TNKS: variants seen among roughly 807,000 people sequenced by gnomAD.
TNKS encodes the protein tankyrase.
A neutral mutation model predicts 135.8 loss-of-function variants in TNKS; 72 were observed. The observed-to-expected ratio is 0.53, with a 90% confidence interval of 0.44 to 0.64. The LOEUF is 0.64. Among genes scored for constraint, TNKS ranks in the 30% least tolerant of loss-of-function variants. The pLI, the probability that TNKS is intolerant of heterozygous loss-of-function variation, is 0.00. For synonymous variants in TNKS, 849 were observed against 649.3 expected, an observed-to-expected ratio of 1.31 and a Z score of -4.68; for missense variants, 1,769 against 1,674.0, an observed-to-expected ratio of 1.06 and a Z score of -0.99.
At position 9,580,308 on chromosome 8, in the gene TNKS, C is replaced by G. The variant is rs1264278784; in HGVS notation, c.823C>G (p.Pro275Ala). ...VSLLLCQGAD[P>A]NARDNWNYTP... ...TCTGTTATTGTGCCAAGGAGCTGAT[C>G]CAAATGCCAGGGATAACTGGAACTA... The change falls in exon 2 of 27, where the codon CCA becomes GCA. Residue 275 changes from proline (P) to alanine (A), a missense_variant. Coordinates refer to ENST00000310430, the MANE Select transcript of TNKS (RefSeq NM_003747.3). The G allele has an allele frequency of 8.7e-6, 14 of 1,613,958 alleles. No homozygotes were observed. Among genetic ancestry groups the G allele is most frequent in the Admixed American group, 1.7e-5 (1 of 59,988 alleles).
rs968309640 is a variant in TNKS at position 9,711,008 on chromosome 8, A to G, written c.1749+788A>G. The stretch of plus-strand genomic sequence containing the variant: ...GGCATTTTCTGAATGGTGTAGTCTG[A>G]AACTTTGTCAAGCACTTAAGAGAGG... On this transcript the variant is annotated intron_variant, in intron 11 of 26. Coordinates refer to ENST00000310430, the MANE Select transcript of TNKS (RefSeq NM_003747.3). 2.6e-5 allele frequency among the ~76,000 whole-genome samples: 4 copies of G among 152,318 alleles called. No individual in the cohort carries two copies. In the East Asian group the frequency reaches 7.7e-4, roughly 29 times the overall value.
intron 5 of TNKS, among the ~76,000 whole-genome samples, chr8:9,697,240 C>G: frequency 6.6e-6 from 1 of 152,110 alleles, no homozygotes; most frequent in Non-Finnish European, 1.5e-5. Flanking sequence ...GGATAGTTGG[C>G]TAGCCATATG....
chr8:9,678,758 A>G (rs1254857992), intron 3 of TNKS, among the ~76,000 whole-genome samples: 1 of 152,222 alleles, frequency 6.6e-6, no homozygotes, highest in African/African-American at 2.4e-5. Context: ...TGCGAAGTCC[A>G]TATTTACACA....
At chr8:9,645,042 T>G (rs1026892694) in intron 3 of TNKS, among the ~76,000 whole-genome samples, 1 of 152,188 alleles carries the variant, frequency 6.6e-6, no homozygotes, top group African/African-American at 2.4e-5. Context: ...TTCTTCACCA[T>G]TTTATTACAC....
At chr8:9,574,951 T>G in intron 1 of TNKS, 4 of 748,010 alleles carry the variant, frequency 5.3e-6, no homozygotes, top group Non-Finnish European at 4.9e-6. Context: ...CTTGTGACTG[T>G]GAGGTAAGAA....
rs1354225687 is a variant in TNKS, at chr8:9,710,008, A to T, written c.1632A>T (p.Leu544Phe). 5 of 1,614,146 alleles carry T rather than the reference A, an allele frequency of 3.1e-6. No homozygotes were observed. Residue 544 changes from leucine to phenylalanine, a missense_variant, in exon 10 of 27, where the codon TTA becomes TTT. Physicochemically the swap from Leu to Phe is conservative, Grantham distance 22. Transcript: ENST00000310430. ...HPKRKQVTEL[L>F]LRKGANVNEK... ...AACGTAAACAAGTGACAGAATTGTTACTTAGAAAAGGAGCAAATGTTAATG... is the reference window on the plus strand; with the variant it reads ...AACGTAAACAAGTGACAGAATTGTTTCTTAGAAAAGGAGCAAATGTTAATG...
At chr8:9,734,039 C>A (rs1028241633) in intron 15 of TNKS, among the ~76,000 whole-genome samples, 5 of 151,488 alleles carry the variant, frequency 3.3e-5, no homozygotes, top group African/African-American at 1.2e-4. Context: ...TTTTCTTTTG[C>A]TTTTTTTTAA....
chr8:9,632,752 T>C (rs1800342185), intron 3 of TNKS, among the ~76,000 whole-genome samples: 1 of 152,184 alleles, frequency 6.6e-6, no homozygotes, highest in East Asian at 1.9e-4. Flanking sequence ...TTTTTTGAGA[T>C]GGAGTCTCAC....
intron 15 of TNKS, among the ~76,000 whole-genome samples, chr8:9,733,959 T>G (rs1345258837): frequency 6.6e-6 from 1 of 152,188 alleles, no homozygotes; most frequent in Non-Finnish European, 1.5e-5. Context: ...AGTAGTTATA[T>G]GAAACTAACT....
chr8:9,668,283 T>C (rs559745928), intron 3 of TNKS, among the ~76,000 whole-genome samples: 37 of 152,344 alleles, frequency 2.4e-4, no homozygotes, highest in African/African-American at 7.7e-4. Context: ...TGATGGTTCC[T>C]AACCTTTTTT....
In TNKS at chr8:9,781,104, G is replaced by A. The variant is rs528961825; in HGVS notation, c.*4368G>A. ...CGACCAAATATGGTCGTAGTATGACGAGTTTTATACATTGCCAGAGAGTTC... is the reference window on the plus strand; with the variant it reads ...CGACCAAATATGGTCGTAGTATGACAAGTTTTATACATTGCCAGAGAGTTC... On this transcript the variant is annotated 3_prime_UTR_variant, in exon 27 of 27. Coordinates refer to ENST00000310430, the MANE Select transcript of TNKS (RefSeq NM_003747.3). 6.6e-6 allele frequency: 1 copy of A among 152,302 alleles called. No individual in the cohort carries two copies. Among genetic ancestry groups the A allele is most frequent in the East Asian group, 1.9e-4 (1 of 5,182 alleles). The allele number at this position is 152,302 out of a possible 1,614,324, so 9.4% of individuals were successfully genotyped here.
chr8:9,748,164 C>A lies in TNKS; in HGVS notation c.2784C>A (p.Asp928Glu), dbSNP rs763333509. 1.9e-6 allele frequency: 3 copies of A among 1,600,654 alleles called. No homozygotes were observed. The South Asian group carries it at 3.4e-5, about 18-fold the overall frequency. ...CCCTCCTCCTAGCGCATGGTGCAGA[C>A]CCCACCATGAAGAACCAGGAAGGCC... Reference protein sequence around the residue: ...LCALLLAHGADPTMKNQEGQT... With the variant: ...LCALLLAHGAEPTMKNQEGQT... Residue 928 changes from aspartate to glutamate, a missense_variant, in exon 18 of 27, where the codon GAC (aspartate) becomes GAA (glutamate). Coordinates refer to ENST00000310430, the MANE Select transcript of TNKS (RefSeq NM_003747.3).
chr8:9,579,588 C>T (rs1798091320), intron 1 of TNKS, among the ~76,000 whole-genome samples: 1 of 152,168 alleles, frequency 6.6e-6, no homozygotes, highest in African/African-American at 2.4e-5. Flanking sequence ...CGTGCCTCAG[C>T]CTCCCAAGTA....
intron 3 of TNKS, among the ~76,000 whole-genome samples, chr8:9,668,477 A>T (rs898182162): frequency 2.0e-5 from 3 of 152,376 alleles, no homozygotes; most frequent in Middle Eastern, 3.4e-3. Flanking sequence ...TAATGGTTAG[A>T]AATATAATCT....
intron 3 of TNKS, among the ~76,000 whole-genome samples, chr8:9,654,712 T>A (rs1432805815): frequency 6.6e-6 from 1 of 152,236 alleles, no homozygotes; most frequent in South Asian, 2.1e-4. Context: ...GTTCTTAGAT[T>A]CCTGTGTTCC....
Position 9,706,676 on chromosome 8 carries a change from AG to A in TNKS, c.1270-133del, listed in dbSNP as rs1327730951. The A allele has an allele frequency of 2.0e-5, 15 of 752,008 alleles. No homozygotes were observed. The East Asian group carries it at 4.7e-4, about 23-fold the overall frequency. 46.6% of individuals were successfully genotyped at this position (752,008 alleles called of 1,614,324 possible). A position where few individuals can be genotyped will look rare whatever the true frequency, so the allele number is the denominator to read the frequency against. On this transcript the variant is annotated intron_variant, in intron 7 of 26. Coordinates refer to ENST00000310430, the MANE Select transcript of TNKS (RefSeq NM_003747.3). The stretch of plus-strand genomic sequence containing the variant: ...GAATTTAATTTCAGCTGTTTTTGAA[AG>A]GTGATATTGAAGAAATTAAAACACT...
chr8:9,741,828 A>G, intron 17 of TNKS: 1 of 386,768 alleles, frequency 2.6e-6, no homozygotes, highest in South Asian at 2.1e-5. Flanking sequence ...AGAGAGGTGT[A>G]ATGCAATCGG....
At chr8:9,772,813 G>T (rs966971555) in intron 26 of TNKS, among the ~76,000 whole-genome samples, 23 of 72,728 alleles carry the variant, frequency 3.2e-4, no homozygotes, top group Admixed American at 1.3e-3. Context: ...GTGTGTTTGT[G>T]TGTGTGTGTG....
chr8:9,628,451 A>C (rs1033252749), intron 3 of TNKS, among the ~76,000 whole-genome samples: 3 of 152,062 alleles, frequency 2.0e-5, no homozygotes, highest in African/African-American at 7.2e-5. Flanking sequence ...GCATTCAACA[A>C]AATTTATTAC....
Sources: gnomAD v4.1 joint callset for allele counts (sites outside exome capture counted in the v4.1 genomes callset) on GRCh38, gnomAD v4.1.1 for gene constraint, MANE v1.5 for transcripts, NCBI Gene and HGNC (gene_info 2026-07-23, HGNC 2026-07-21) for gene names.